UGT1A4: variants seen among roughly 807,000 people sequenced by gnomAD.
UGT1A4 encodes UDP glucuronosyltransferase family 1 member A4.
In UGT1A4, 32 loss-of-function variants were observed where a neutral mutation model predicts 41.1. The ratio of observed to expected loss-of-function variants is 0.78; its 90% CI spans 0.59 to 1.05. The LOEUF (loss-of-function observed/expected upper bound fraction) is 1.05. Ranked by LOEUF, UGT1A4 falls within the 50% of genes least tolerant of loss-of-function variation. UGT1A4 has a pLI of 0.00. For missense variants in UGT1A4, 748 were observed against 677.4 expected (o/e 1.10, Z -1.16); for synonymous variants, 283 against 265.1 (o/e 1.07, Z -0.66).
chr2:233,726,610 C>T (rs1191468440), intron 1 of UGT1A4, among the ~76,000 whole-genome samples: 1 of 152,148 alleles, frequency 6.6e-6, no homozygotes, highest in Non-Finnish European at 1.5e-5. Context: ...TTACACTGTC[C>T]TGCCCAGATA....
chr2:233,765,958 G>T (rs1456773325), intron 1 of UGT1A4, among the ~76,000 whole-genome samples: 1 of 152,138 alleles, frequency 6.6e-6, no homozygotes, highest in East Asian at 1.9e-4. Flanking sequence ...CACCGGCAGT[G>T]TCTAGAGGTG....
chr2:233,762,045 A>C (rs187851388), intron 1 of UGT1A4, among the ~76,000 whole-genome samples: 1 of 151,840 alleles, frequency 6.6e-6, no homozygotes, highest in African/African-American at 2.4e-5. Flanking sequence ...TTTTCTGTGC[A>C]TTTTCCTTCA....
Position 233,773,095 on chromosome 2 carries a change from A to C in UGT1A4, c.*536A>C. On this transcript the variant is annotated 3_prime_UTR_variant, in exon 5 of 5. Coordinates refer to ENST00000373409, the MANE Select transcript of UGT1A4 (RefSeq NM_007120.3). ...ATGAATGGCTTGGAGTGCACTGAGA[A>C]CAGCATATGATTTCTTGCTTTGGGG... 6.3e-6 allele frequency: 1 copy of C among 159,994 alleles called. No individual in the cohort carries two copies. Among genetic ancestry groups the C allele is most frequent in the Non-Finnish European group, 1.4e-5 (1 of 71,916 alleles). The allele number at this position is 159,994 out of a possible 1,614,324, so 9.9% of individuals were successfully genotyped here. A position where few individuals can be genotyped will look rare whatever the true frequency, so the allele number is the denominator to read the frequency against.
chr2:233,718,954 G>A lies in UGT1A4; in HGVS notation c.134G>A (p.Arg45Gln), dbSNP rs766332804. 15 of 1,614,094 alleles carry A rather than the reference G, an allele frequency of 9.3e-6. No homozygotes were observed. The highest frequency in any genetic ancestry group is 6.7e-5 in the East Asian group (3 of 44,902). Residue 45 changes from arginine (R) to glutamine (Q), a missense_variant, in exon 1 of 5, where the codon CGG becomes CAG. Arg to Gln is a conservative substitution (Grantham distance 43, BLOSUM62 1). Transcript: ENST00000373409. Reference protein sequence around the residue: ...PTDGSPWLSMREALRELHARG... With the variant: ...PTDGSPWLSMQEALRELHARG... ...GATGGCAGCCCCTGGCTCAGCATGC[G>A]GGAGGCCTTGCGGGAGCTCCATGCC...
chr2:233,751,726 T>C (rs148405152), intron 1 of UGT1A4, among the ~76,000 whole-genome samples: 37 of 152,334 alleles, frequency 2.4e-4, no homozygotes, highest in Admixed American at 6.5e-4. Context: ...AAGTGAACTC[T>C]TCCTCTCTGT....
intron 1 of UGT1A4, chr2:233,743,969 G>T: frequency 1.5e-6 from 2 of 1,324,976 alleles, no homozygotes; most frequent in Admixed American, 2.1e-5. Flanking sequence ...CGGCAAGGCT[G>T]CCAGCACCCA....
chr2:233,753,747 C>A (rs1162212818), intron 1 of UGT1A4: 2 of 152,344 alleles, frequency 1.3e-5, no homozygotes, highest in African/African-American at 4.8e-5. Context: ...AGCAATAGGA[C>A]AGTTTTGCGT....
At chr2:233,763,403 G>T (rs1219713616) in intron 1 of UGT1A4, among the ~76,000 whole-genome samples, 1 of 152,040 alleles carries the variant, frequency 6.6e-6, no homozygotes, top group Non-Finnish European at 1.5e-5. Context: ...CATGGCACTG[G>T]TATTTTTAAT....
At chr2:233,746,083 T>C (rs1367851746) in intron 1 of UGT1A4, among the ~76,000 whole-genome samples, 2 of 151,832 alleles carry the variant, frequency 1.3e-5, no homozygotes, top group Admixed American at 1.3e-4. Flanking sequence ...GAGTCACTTC[T>C]ATACAGAAAC....
At chr2:233,763,858 C>A (rs577598991) in intron 1 of UGT1A4, among the ~76,000 whole-genome samples, 1 of 152,130 alleles carries the variant, frequency 6.6e-6, no homozygotes, top group Admixed American at 6.5e-5. Flanking sequence ...GGTTCACAGA[C>A]AATCGCAATG....
At chr2:233,727,115 G>A (rs1162541205) in intron 1 of UGT1A4, among the ~76,000 whole-genome samples, 1 of 152,220 alleles carries the variant, frequency 6.6e-6, no homozygotes, top group Non-Finnish European at 1.5e-5. Context: ...TTAGGTCTGT[G>A]AGATTGGCAG....
chr2:233,761,836 A>C (rs1697880138), intron 1 of UGT1A4, among the ~76,000 whole-genome samples: 1 of 152,212 alleles, frequency 6.6e-6, no homozygotes, highest in African/African-American at 2.4e-5. Flanking sequence ...ATGGAGCGTT[A>C]GGGAATTACT....
At chr2:233,726,272 G>A (rs896187781) in intron 1 of UGT1A4, among the ~76,000 whole-genome samples, 1 of 152,166 alleles carries the variant, frequency 6.6e-6, no homozygotes, top group African/African-American at 2.4e-5. Flanking sequence ...ATGCGCCTAT[G>A]GTCCCAGGTA....
chr2:233,767,214 T>A (rs1420134896), intron 2 of UGT1A4, 49 bp downstream of exon 2: 25 of 1,612,300 alleles, frequency 1.6e-5, no homozygotes, highest in Non-Finnish European at 2.1e-5. Flanking sequence ...ACAGGAGCGC[T>A]AATCCCAGAC....
chr2:233,729,640 T>C, intron 1 of UGT1A4: 1 of 1,613,966 alleles, frequency 6.2e-7, no homozygotes, highest in East Asian at 2.2e-5. Flanking sequence ...TACTGTGTTT[T>C]TTTTGAGGAA....
chr2:233,768,127 A>G, intron 3 of UGT1A4, 93 bp from the exon 4 acceptor site: 1 of 1,605,192 alleles, frequency 6.2e-7, no homozygotes, highest in Admixed American at 1.7e-5. Flanking sequence ...TGTGAGTAAC[A>G]CTGAGTCTTT....
chr2:233,765,490 A>G (rs552851651), intron 1 of UGT1A4, among the ~76,000 whole-genome samples: 4 of 152,238 alleles, frequency 2.6e-5, no homozygotes, highest in Non-Finnish European at 5.9e-5. Flanking sequence ...ATCATCCTCC[A>G]CAAACTAACA....
chr2:233,772,238 T>C (rs765306920), intron 4 of UGT1A4, 24 bp from the exon 5 acceptor site: 1 of 1,613,980 alleles, frequency 6.2e-7, no homozygotes, highest in African/African-American at 1.3e-5. Context: ...GTTCCAGGCA[T>C]AACGAAACTG....
rs533644543 is a variant in UGT1A4 at position 233,772,493 on chromosome 2, T to C, written c.1539T>C (p.Tyr513=). 6.2e-7 allele frequency: 1 copy of C among 1,614,152 alleles called. No individual in the cohort carries two copies. The highest frequency in any genetic ancestry group is 2.2e-5 in the East Asian group (1 of 44,874). The change falls in exon 5 of 5, where the codon TAT becomes TAC. Residue 513 remains tyrosine (Y), a synonymous_variant. Transcript: ENST00000373409. Reference sequence around the variant, plus strand: ...TCATCACCTTTAAATGTTGTGCTTATGGCTACCGGAAATGCTTGGGGAAAA... The same window carrying C: ...TCATCACCTTTAAATGTTGTGCTTACGGCTACCGGAAATGCTTGGGGAAAA... The part of the protein sequence containing the change: ...VAFITFKCCA[Y]GYRKCLGKKG...
Sources: gnomAD v4.1 joint callset for allele counts (sites outside exome capture counted in the v4.1 genomes callset) on GRCh38, gnomAD v4.1.1 for gene constraint, MANE v1.5 for transcripts, NCBI Gene and HGNC (gene_info 2026-07-23, HGNC 2026-07-21) for gene names.